The following DDX19A variants were observed in gnomAD, a reference collection of about 807,000 sequenced individuals.
DDX19A encodes the protein ATP-dependent RNA helicase DDX19A.
In DDX19A, 12 loss-of-function variants were observed where a neutral mutation model predicts 60.6. The ratio of observed to expected loss-of-function variants is 0.20; its 90% CI spans 0.13 to 0.32. The LOEUF is 0.32. Among genes scored for constraint, DDX19A ranks in the 10% least tolerant of loss-of-function variants. DDX19A has a pLI of 1.00. For missense variants in DDX19A, 337 were observed against 600.6 expected (o/e 0.56, Z 4.59); for synonymous variants, 206 against 218.2 (o/e 0.94, Z 0.49).
intron 6 of DDX19A, 152 bp from the exon 7 acceptor site, chr16:70,364,865 G>T (rs1303686570): frequency 2.9e-6 from 2 of 691,478 alleles, no homozygotes; most frequent in African/African-American, 3.6e-5. Context: ...GCTACCTGCT[G>T]CAGGCTTCAG....
At chr16:70,364,718 C>A in intron 6 of DDX19A, 73 bp downstream of exon 6, 1 of 1,154,956 alleles carries the variant, frequency 8.7e-7, no homozygotes, top group Non-Finnish European at 1.3e-6. Flanking sequence ...TGAGGAGTAA[C>A]GAGAGGTCTG....
At chr16:70,368,719 A>G (rs1039111630) in intron 9 of DDX19A, among the ~76,000 whole-genome samples, 4 of 150,332 alleles carry the variant, frequency 2.7e-5, no homozygotes, top group African/African-American at 9.8e-5. Flanking sequence ...GCTCATCTTT[A>G]TTGCTTTTTG....
chr16:70,351,563 C>T (rs1964019431), intron 2 of DDX19A, among the ~76,000 whole-genome samples: 1 of 151,732 alleles, frequency 6.6e-6, no homozygotes, highest in Admixed American at 6.6e-5. Flanking sequence ...CTCACTCTGC[C>T]ACGCAGGCCG....
chr16:70,364,187 A>G (rs1038459242), intron 5 of DDX19A: 1 of 183,562 alleles, frequency 5.4e-6, no homozygotes, highest in African/African-American at 2.4e-5. Context: ...CTGGGAATGC[A>G]TCATGGCTCA....
chr16:70,354,313 AT>A (rs1000048210), intron 2 of DDX19A, among the ~76,000 whole-genome samples: 2 of 151,780 alleles, frequency 1.3e-5, no homozygotes, highest in African/African-American at 4.8e-5. Flanking sequence ...CACCCAGCTA[AT>A]TTTGTATTTT....
intron 4 of DDX19A, among the ~76,000 whole-genome samples, chr16:70,357,270 A>AATAT (rs201123041): frequency 5.7e-5 from 7 of 123,030 alleles, no homozygotes; most frequent in South Asian, 4.8e-4. Flanking sequence ...AAAAAAAAAA[A>AATAT]ATATATATAT....
rs1134074 is a variant in DDX19A at position 70,361,484 on chromosome 16, C to T, written c.360C>T (p.Asn120=). ...ATCGACCCTCCAAGATACAAGAGAA[C>T]GCATTACCCATGATGCTTGCTGAAC... is the stretch of plus-strand genomic sequence containing the variant. The part of the protein sequence containing the change: ...GFNRPSKIQE[N]ALPMMLAEPP... The change falls in exon 5 of 12, where the codon AAC becomes AAT. Residue 120 remains asparagine, a synonymous_variant. Transcript: ENST00000302243. 0.36 allele frequency: 575,528 copies of T among 1,609,748 alleles called. 108,993 individuals are homozygous for T. The highest frequency in any genetic ancestry group is 0.38 in the Non-Finnish European group (452,020 of 1,176,836).
chr16:70,353,233 G>A (rs1964081185), intron 2 of DDX19A, among the ~76,000 whole-genome samples: 1 of 151,134 alleles, frequency 6.6e-6, no homozygotes, highest in Non-Finnish European at 1.5e-5. Flanking sequence ...TTCTGTCTCT[G>A]CATCCCGAGT....
At chr16:70,355,362 G>C in intron 2 of DDX19A, 123 bp from the exon 3 acceptor site, 1 of 761,820 alleles carries the variant, frequency 1.3e-6, no homozygotes, top group Non-Finnish European at 2.1e-6. Context: ...GGCTACAAGA[G>C]GAAAACTCCG....
In DDX19A at chr16:70,373,040, C is replaced by T. The variant is rs1461441322; in HGVS notation, c.*1054C>T. The T allele has an allele frequency of 6.6e-6, 1 of 151,996 alleles. No homozygotes were observed. Among genetic ancestry groups the T allele is most frequent in the Non-Finnish European group, 1.5e-5 (1 of 67,998 alleles). The allele number at this position is 151,996 out of a possible 1,614,324, so 9.4% of individuals were successfully genotyped here. On this transcript the variant is annotated 3_prime_UTR_variant, in exon 12 of 12. Transcript: ENST00000302243. ...TTGAGCTCAGGCGTTCGGGACCAGC[C>T]TGGCCAACATGATGAAACCCCGTCT...
chr16:70,351,438 C>T (rs1332936625), intron 2 of DDX19A, among the ~76,000 whole-genome samples: 1 of 150,998 alleles, frequency 6.6e-6, no homozygotes, highest in African/African-American at 2.4e-5. Context: ...ACCTCCTGAG[C>T]TCAAGCGATC....
rs1037323801 is a variant in DDX19A, at chr16:70,357,270, A to ATAT, written c.293+1023_293+1024insTAT. The stretch of plus-strand genomic sequence containing the variant: ...CGAGACTCTCTCTCAAAAAAAAAAA[A>ATAT]ATATATATATATATATATGTATATT... On this transcript the variant is annotated intron_variant, in intron 4 of 11. Transcript: ENST00000302243. 2.2e-4 allele frequency among the ~76,000 whole-genome samples: 27 copies of ATAT among 123,030 alleles called. 1 individual carries two copies. The highest frequency in any genetic ancestry group is 4.0e-3 in the Middle Eastern group (1 of 250). The allele number at this position is 123,030 out of a possible 152,430, so 80.7% of individuals were successfully genotyped here.
intron 1 of DDX19A, among the ~76,000 whole-genome samples, chr16:70,347,656 T>C (rs1963876496): frequency 6.6e-6 from 1 of 152,192 alleles, no homozygotes; most frequent in Non-Finnish European, 1.5e-5. Context: ...AACTTTAGGT[T>C]TGTTTAGTGA....
In DDX19A at chr16:70,366,670, G is replaced by A. The variant is rs1432653665; in HGVS notation, c.829G>A (p.Glu277Lys). The A allele has an allele frequency of 6.2e-7, 1 of 1,614,084 alleles. No individual in the cohort carries two copies. Among genetic ancestry groups the A allele is most frequent in the African/African-American group, 1.3e-5 (1 of 74,916 alleles). The change falls in exon 9 of 12, where the codon GAA becomes AAA. Residue 277 changes from glutamate to lysine, a missense_variant. Glu to Lys is a moderately conservative substitution (Grantham distance 56). Around this residue, in one of 6 missense-constraint regions of DDX19A, gnomAD observed 117 missense variants for 274.3 expected, o/e 0.43. Transcript: ENST00000302243. ...GATGCTGCTTTTCTCCGCCACCTTT[G>A]AAGACTCTGTGTGGAAGTTTGCCCA... ...CQMLLFSATF[E>K]DSVWKFAQKV...
Position 70,369,802 on chromosome 16 carries a change from G to A in DDX19A, c.1021-421G>A, listed in dbSNP as rs1276585500. Among the ~76,000 whole-genome samples the A allele has an allele frequency of 2.6e-5, 4 of 151,546 alleles. No homozygotes were observed. The East Asian group carries it at 7.7e-4, about 29-fold the overall frequency. ...CCTAGCTAAATTTTTTGTAGAGACA[G>A]GTTTGGCCATGTTCCCCAGGCTGGT... On this transcript the variant is annotated intron_variant, in intron 9 of 11. Coordinates refer to ENST00000302243, the MANE Select transcript of DDX19A (RefSeq NM_018332.5).
intron 2 of DDX19A, among the ~76,000 whole-genome samples, chr16:70,354,833 T>G (rs1205327141): frequency 6.6e-6 from 1 of 152,044 alleles, no homozygotes; most frequent in Non-Finnish European, 1.5e-5. Flanking sequence ...CCTGTAGTGC[T>G]AGCTACTCAG....
rs998046016 is a variant in DDX19A at position 70,372,179 on chromosome 16, T to G, written c.*193T>G. ...GATGGGGGGCAATAGAAGAAAAAATTTGCATTTTGGAAAATTGGGTCCTTT... is the reference window on the plus strand; with the variant it reads ...GATGGGGGGCAATAGAAGAAAAAATGTGCATTTTGGAAAATTGGGTCCTTT... On this transcript the variant is annotated 3_prime_UTR_variant, in exon 12 of 12. Transcript: ENST00000302243. The G allele has an allele frequency of 1.0e-6, 1 of 953,232 alleles. No homozygotes were observed. Among genetic ancestry groups the G allele is most frequent in the African/African-American group, 1.7e-5 (1 of 60,174 alleles). The allele number at this position is 953,232 out of a possible 1,614,324, so 59.0% of individuals were successfully genotyped here.
chr16:70,356,372 T>C lies in DDX19A; in HGVS notation c.293+125T>C, dbSNP rs190949670. 6.2e-6 allele frequency: 9 copies of C among 1,445,078 alleles called. No homozygotes were observed. The East Asian group carries it at 7.1e-5, about 11-fold the overall frequency. 89.5% of individuals were successfully genotyped at this position (1,445,078 alleles called of 1,614,324 possible). On this transcript the variant is annotated intron_variant, in intron 4 of 11. Transcript: ENST00000302243. ...TTAGTGTATTTTTTCCTTTTTTTTT[T>C]CGAGACAGAGTTTCGCTCCTGTTGC...
At chr16:70,347,164 TG>T in intron 1 of DDX19A, 116 bp downstream of exon 1, 2 of 1,003,832 alleles carry the variant, frequency 2.0e-6, no homozygotes, top group Non-Finnish European at 3.0e-6. Flanking sequence ...TCCTGCAGTT[TG>T]CTAGGGCAGT....
Sources: gnomAD v4.1 joint callset for allele counts (sites outside exome capture counted in the v4.1 genomes callset) on GRCh38, gnomAD v4.1.1 for gene constraint, gnomAD v4.1.1 regional missense constraint, MANE v1.5 for transcripts, NCBI Gene and HGNC (gene_info 2026-07-23, HGNC 2026-07-21) for gene names.